PRELID2: variants seen among roughly 807,000 people sequenced by gnomAD.
PRELID2 encodes PRELI domain-containing protein 2.
In PRELID2, 25 loss-of-function variants were observed where a neutral mutation model predicts 28.4. That is an observed-to-expected ratio of 0.88 (90% CI 0.64 to 1.23). The LOEUF is 1.23. Among genes scored for constraint, PRELID2 ranks in the 50% most tolerant of loss-of-function variants. The pLI is 0.00. For missense variants in PRELID2, 201 were observed against 214.4 expected (o/e 0.94, Z 0.39); for synonymous variants, 76 against 71.6 (o/e 1.06, Z -0.31).
the PRELID2 span, among the ~76,000 whole-genome samples, chr5:145,395,372 T>A: frequency 6.6e-6 from 1 of 152,162 alleles, no homozygotes; most frequent in African/African-American, 2.4e-5. Context: ...CAACTGGTGC[T>A]ACCGAGAATA....
At chr5:145,493,276 A>G (rs1752283236) in intron 1 of PRELID2, among the ~76,000 whole-genome samples, 1 of 152,174 alleles carries the variant, frequency 6.6e-6, no homozygotes, top group South Asian at 2.1e-4. Flanking sequence ...GCCTATGTCC[A>G]GATGATCATC....
At chr5:145,370,644 C>T in the PRELID2 span, among the ~76,000 whole-genome samples, 1 of 151,986 alleles carries the variant, frequency 6.6e-6, no homozygotes, top group African/African-American at 2.4e-5. Context: ...AGTAGTTTTT[C>T]TAATTCTGCG....
intron 1 of PRELID2, among the ~76,000 whole-genome samples, chr5:145,653,435 A>C (rs1340294069): frequency 6.6e-6 from 1 of 152,242 alleles, no homozygotes; most frequent in Non-Finnish European, 1.5e-5. Flanking sequence ...CCCCAAATCA[A>C]CAGAATATAC....
the PRELID2 span, among the ~76,000 whole-genome samples, chr5:145,326,128 C>A: frequency 6.6e-6 from 1 of 152,112 alleles, no homozygotes; most frequent in Non-Finnish European, 1.5e-5. Context: ...CCATCTCAGC[C>A]TAAGTACCTA....
At chr5:145,598,785 A>T (rs753087537) in intron 1 of PRELID2, among the ~76,000 whole-genome samples, 22 of 152,196 alleles carry the variant, frequency 1.4e-4, no homozygotes, top group Admixed American at 2.0e-4. Flanking sequence ...AGAAGAATAT[A>T]TATCACAATT....
At chr5:145,540,289 A>C (rs1055048954) in intron 1 of PRELID2, among the ~76,000 whole-genome samples, 2 of 152,030 alleles carry the variant, frequency 1.3e-5, no homozygotes, top group Non-Finnish European at 2.9e-5. Flanking sequence ...AAACATAATA[A>C]GGGGAAGATA....
the PRELID2 span, among the ~76,000 whole-genome samples, chr5:145,353,972 GCTT>G: frequency 1.3e-5 from 2 of 152,136 alleles, no homozygotes; most frequent in African/African-American, 2.4e-5. Flanking sequence ...TAACATCTGT[GCTT>G]CTTCTCTTGA....
the PRELID2 span, among the ~76,000 whole-genome samples, chr5:145,352,473 G>A: frequency 6.6e-6 from 1 of 152,086 alleles, no homozygotes; most frequent in Non-Finnish European, 1.5e-5. Context: ...CATGTCCCGA[G>A]GCCCCATAGA....
chr5:145,736,193 G>C (rs957037451), intron 1 of PRELID2, among the ~76,000 whole-genome samples: 1 of 152,192 alleles, frequency 6.6e-6, no homozygotes, highest in African/African-American at 2.4e-5. Context: ...GCAATGTATA[G>C]TATTTAACTG....
the PRELID2 span, among the ~76,000 whole-genome samples, chr5:145,360,981 C>T: frequency 1.3e-5 from 2 of 152,112 alleles, no homozygotes; most frequent in Non-Finnish European, 2.9e-5. Flanking sequence ...ATGATTCTAC[C>T]TCAGTCCTCT....
chr5:145,395,856 T>C, the PRELID2 span, among the ~76,000 whole-genome samples: 1 of 152,090 alleles, frequency 6.6e-6, no homozygotes, highest in African/African-American at 2.4e-5. Flanking sequence ...AATCTGAGCT[T>C]TATTTCCTCC....
In PRELID2 at chr5:145,585,112, G is replaced by A. The variant is rs1045322171; in HGVS notation, n.71-111797C>T. 1.4e-4 allele frequency among the ~76,000 whole-genome samples: 21 copies of A among 152,048 alleles called. 1 individual carries two copies. Among genetic ancestry groups the A allele is most frequent in the Admixed American group, 9.8e-4 (15 of 15,256 alleles). On this transcript the variant is annotated intron_variant and non_coding_transcript_variant, in intron 1 of 2. Transcript: ENST00000510259. ...ATGGGATACTATGCAGCCATAAAAA[G>A]GAATGTGATCAAGTCCTTTGCAGGG...
At chr5:145,613,130 C>T (rs113299255) in intron 1 of PRELID2, among the ~76,000 whole-genome samples, 1 of 152,170 alleles carries the variant, frequency 6.6e-6, no homozygotes, top group Non-Finnish European at 1.5e-5. Context: ...TCACTGCATA[C>T]ATGCCAGCAT....
At chr5:145,539,563 T>C (rs905016750) in intron 1 of PRELID2, among the ~76,000 whole-genome samples, 6 of 151,982 alleles carry the variant, frequency 3.9e-5, no homozygotes, top group Admixed American at 6.6e-5. Context: ...CCTCCTCCTC[T>C]TTTTGTATTA....
In PRELID2 at chr5:145,741,305, T is replaced by A. The variant is rs1267887397; in HGVS notation, n.70+23626A>T. Among the ~76,000 whole-genome samples, 6 of 92,726 alleles carry A rather than the reference T, an allele frequency of 6.5e-5. No individual in the cohort carries two copies. In the East Asian group the frequency reaches 2.1e-3, roughly 32 times the overall value. The allele number at this position is 92,726 out of a possible 152,430, so 60.8% of individuals were successfully genotyped here. On this transcript the variant is annotated intron_variant and non_coding_transcript_variant, in intron 1 of 2. Coordinates refer to the PRELID2 transcript ENST00000510259. ...TATATATAAATAAATTATATATAAATAATTTATTTATAAATAAATTATTTA... is the reference window on the plus strand; with the variant it reads ...TATATATAAATAAATTATATATAAAAAATTTATTTATAAATAAATTATTTA...
chr5:145,432,995 T>C, the PRELID2 span, among the ~76,000 whole-genome samples: 3 of 151,908 alleles, frequency 2.0e-5, no homozygotes, highest in East Asian at 1.9e-4. Context: ...ACGAGAAGGG[T>C]CAACTCCATA....
In PRELID2 at chr5:145,740,662, AAAAT is replaced by A. The variant is rs1387522103; in HGVS notation, n.70+24265_70+24268del. 6.2e-5 allele frequency among the ~76,000 whole-genome samples: 6 copies of A among 97,476 alleles called. No homozygotes were observed. The Admixed American group carries it at 6.2e-4, about 10-fold the overall frequency. 63.9% of individuals were successfully genotyped at this position (97,476 alleles called of 152,430 possible). ...AAATATATATATTTTATATATAAAT[AAAAT>A]AAATATATATTTTATATTTAATATA... On this transcript the variant is annotated intron_variant and non_coding_transcript_variant, in intron 1 of 2. Coordinates refer to the PRELID2 transcript ENST00000510259.
At chr5:145,800,391 T>C (rs1753056190) in intron 4 of PRELID2, among the ~76,000 whole-genome samples, 1 of 151,460 alleles carries the variant, frequency 6.6e-6, no homozygotes, top group Non-Finnish European at 1.5e-5. Flanking sequence ...TTTTCACCCC[T>C]TAGATTTAAG....
intron 4 of PRELID2, among the ~76,000 whole-genome samples, chr5:145,816,847 C>T (rs1454897332): frequency 1.3e-5 from 2 of 151,970 alleles, no homozygotes; most frequent in Non-Finnish European, 2.9e-5. Context: ...AATAATATCT[C>T]AATAAACCTG....
Sources: gnomAD v4.1 joint callset for allele counts (sites outside exome capture counted in the v4.1 genomes callset) on GRCh38, gnomAD v4.1.1 for gene constraint, MANE v1.5 for transcripts, NCBI Gene and HGNC (gene_info 2026-07-23, HGNC 2026-07-21) for gene names.